Variants in CYP4B1 observed in about 807,000 individuals in gnomAD.
CYP4B1 encodes the protein cytochrome P450 family 4 subfamily B member 1.
In CYP4B1, 45 loss-of-function variants were observed where a neutral mutation model predicts 54.0. That is an observed-to-expected ratio of 0.83 (90% confidence interval 0.66 to 1.07). The LOEUF is 1.07. Ranked by LOEUF, CYP4B1 falls within the 50% of genes least tolerant of loss-of-function variation. The pLI, the probability that CYP4B1 is intolerant of heterozygous loss-of-function variation, is 0.00. For missense variants in CYP4B1, 656 were observed against 655.4 expected, an observed-to-expected ratio of 1.00 and a Z score of -0.01; for synonymous variants, 248 against 247.5, an observed-to-expected ratio of 1.00 and a Z score of -0.02.
rs545013841 is a variant in CYP4B1, at chr1:46,819,109, A to C, written c.*295A>C. 2.6e-4 allele frequency: 71 copies of C among 275,990 alleles called. No individual in the cohort carries two copies. The highest frequency in any genetic ancestry group is 1.5e-3 in the African/African-American group (70 of 45,958). The allele number at this position is 275,990 out of a possible 1,614,324, so 17.1% of individuals were successfully genotyped here. ...ATCTCCTATAATTGGCAAACTTAAA[A>C]ATGCAGCAGAAACTTACATTCCAAC... is the stretch of plus-strand genomic sequence containing the variant. On this transcript the variant is annotated 3_prime_UTR_variant, in exon 12 of 12. Transcript: ENST00000371923.
Position 46,816,581 on chromosome 1 carries a change from G to GACAC in CYP4B1, c.1074-446_1074-443dup, listed in dbSNP as rs3066413. 2.2e-3 allele frequency among the ~76,000 whole-genome samples: 317 copies of GACAC among 146,698 alleles called. 2 individuals are homozygous for GACAC. The highest frequency in any genetic ancestry group is 7.0e-3 in the African/African-American group (279 of 39,872). On this transcript the variant is annotated intron_variant, in intron 8 of 11. Coordinates refer to ENST00000371923, the MANE Select transcript of CYP4B1 (RefSeq NM_001099772.2). ...AGCTTCCCGGTTGCCAAAGGGAAAA[G>GACAC]ACACACACACACACACACACACACT...
chr1:46,807,831 TG>T (rs1300074248), intron 1 of CYP4B1, among the ~76,000 whole-genome samples: 1 of 152,168 alleles, frequency 6.6e-6, no homozygotes, highest in Admixed American at 6.5e-5. Flanking sequence ...CATGAGCCCT[TG>T]GAGATAGTGG....
chr1:46,802,109 C>G (rs1249296078), intron 1 of CYP4B1, among the ~76,000 whole-genome samples: 1 of 152,144 alleles, frequency 6.6e-6, no homozygotes, highest in Non-Finnish European at 1.5e-5. Flanking sequence ...CCAGGGAGGA[C>G]TTTGCACATA....
chr1:46,799,777 C>T (rs1678537770), intron 1 of CYP4B1, among the ~76,000 whole-genome samples: 1 of 152,236 alleles, frequency 6.6e-6, no homozygotes, highest in Non-Finnish European at 1.5e-5. Context: ...GCTCTCCCGG[C>T]CATGCCTATG....
intron 8 of CYP4B1, among the ~76,000 whole-genome samples, chr1:46,816,595 C>A (rs1679341568): frequency 1.3e-5 from 2 of 152,030 alleles, no homozygotes; most frequent in South Asian, 4.2e-4. Flanking sequence ...CACACACACA[C>A]ACACACACAC....
At position 46,799,094 on chromosome 1, in the gene CYP4B1, T is replaced by A. The variant is rs111476033; in HGVS notation, c.13T>A (p.Phe5Ile). MVPS[F>I]LSLSFSSLGL... is the part of the protein sequence containing the mutation. ...TGGAACTGCAACCATGGTGCCCAGC[T>A]TCCTCTCCCTGAGCTTCTCCTCCTT... Residue 5 changes from phenylalanine to isoleucine, a missense_variant, in exon 1 of 12, where the codon TTC becomes ATC. By Grantham distance (21) the Phe-to-Ile change is conservative. Coordinates refer to ENST00000371923, the MANE Select transcript of CYP4B1 (RefSeq NM_001099772.2). The A allele has an allele frequency of 5.1e-4, 830 of 1,614,046 alleles. 4 individuals carry two copies. The African/African-American group carries it at 9.7e-3, about 19-fold the overall frequency.
chr1:46,816,747 T>C (rs1679348000), intron 8 of CYP4B1, among the ~76,000 whole-genome samples: 1 of 152,202 alleles, frequency 6.6e-6, no homozygotes. Flanking sequence ...ATGGGGGTCC[T>C]GAGAGTTGCA....
chr1:46,808,814 T>C (rs1226884245), intron 1 of CYP4B1, among the ~76,000 whole-genome samples: 1 of 151,078 alleles, frequency 6.6e-6, no homozygotes, highest in Non-Finnish European at 1.5e-5. Flanking sequence ...TTCATGTCCT[T>C]TGTAGGGACA....
At chr1:46,814,449 T>C in intron 7 of CYP4B1, 134 bp downstream of exon 7, 3 of 692,226 alleles carry the variant, frequency 4.3e-6, no homozygotes, top group African/African-American at 3.6e-5. Context: ...CCTCGTCCCA[T>C]GAAACATATT....
intron 9 of CYP4B1, 56 bp downstream of exon 9, chr1:46,817,237 C>A: frequency 3.1e-6 from 5 of 1,601,512 alleles, no homozygotes; most frequent in Non-Finnish European, 4.3e-6. Flanking sequence ...CCTCTGGCAC[C>A]CTCTGTGCCT....
In CYP4B1 at chr1:46,814,008, C is replaced by T. The variant is rs375257941; in HGVS notation, c.720C>T (p.Leu240=). 5.0e-6 allele frequency: 8 copies of T among 1,614,074 alleles called. No homozygotes were observed. In the East Asian group the frequency reaches 6.7e-5, roughly 13 times the overall value. The change falls in exon 6 of 12, where the codon CTC becomes CTT. Residue 240 remains leucine, a synonymous_variant. Coordinates refer to ENST00000371923, the MANE Select transcript of CYP4B1 (RefSeq NM_001099772.2). ...ACCATAATGACTTCATCTACTGGCT[C>T]ACCCCACATGGCCGCCGCTTCCTGC... is the stretch of plus-strand genomic sequence containing the variant. ...FQYHNDFIYW[L]TPHGRRFLRA...
intron 4 of CYP4B1, 129 bp downstream of exon 4, chr1:46,812,752 T>G: frequency 9.2e-7 from 1 of 1,084,714 alleles, no homozygotes; most frequent in Middle Eastern, 3.0e-4. Flanking sequence ...CAAGGCCTGT[T>G]CTGCCTGCAA....
At position 46,818,994 on chromosome 1, in the gene CYP4B1, A is replaced by G. The variant is rs886382210; in HGVS notation, c.*180A>G. The G allele has an allele frequency of 8.9e-6, 5 of 558,746 alleles. No individual in the cohort carries two copies. Among genetic ancestry groups the G allele is most frequent in the East Asian group, 5.6e-5 (2 of 35,418 alleles). 34.6% of individuals were successfully genotyped at this position (558,746 alleles called of 1,614,324 possible). A position where few individuals can be genotyped will look rare whatever the true frequency, so the allele number is the denominator to read the frequency against. ...CAGTGCTATGTAAAAATGTGTGTCT[A>G]TAAATGTTTATCATGCATGTATTCT... On this transcript the variant is annotated 3_prime_UTR_variant, in exon 12 of 12. Coordinates refer to ENST00000371923, the MANE Select transcript of CYP4B1 (RefSeq NM_001099772.2).
chr1:46,813,887 C>T (rs1679216483), intron 5 of CYP4B1, 22 bp from the exon 6 acceptor site: 3 of 1,232,274 alleles, frequency 2.4e-6, no homozygotes, highest in African/African-American at 4.3e-5. Context: ...TAAGCCAATC[C>T]CTCCTCCTAC....
chr1:46,807,097 G>A (rs772776678), intron 1 of CYP4B1, among the ~76,000 whole-genome samples: 6 of 152,184 alleles, frequency 3.9e-5, no homozygotes, highest in African/African-American at 1.2e-4. Flanking sequence ...TTTGGCCATC[G>A]CTTGGGCTCA....
chr1:46,807,788 A>G (rs992006153), intron 1 of CYP4B1, among the ~76,000 whole-genome samples: 1 of 152,248 alleles, frequency 6.6e-6, no homozygotes, highest in Non-Finnish European at 1.5e-5. Flanking sequence ...GAAGGCACAG[A>G]CGGGTGGCTG....
At chr1:46,814,432 A>G (rs953983730) in intron 7 of CYP4B1, 117 bp downstream of exon 7, 3 of 739,414 alleles carry the variant, frequency 4.1e-6, no homozygotes, top group Non-Finnish European at 4.6e-6. Flanking sequence ...AGCAAATATA[A>G]CCTGTTCCTC....
rs371613738 is a variant in CYP4B1 at position 46,818,755 on chromosome 1, C to A, written c.1480C>A (p.Arg494Ser). ...CATCAAGATGCCCCAGCTTGTCCTGCGCTCCAAGAATGGCTTTCACCTCCA... is the reference window on the plus strand; with the variant it reads ...CATCAAGATGCCCCAGCTTGTCCTGAGCTCCAAGAATGGCTTTCACCTCCA... Reference protein sequence around the residue: ...LPIKMPQLVLRSKNGFHLHLK... With the variant: ...LPIKMPQLVLSSKNGFHLHLK... The change falls in exon 12 of 12, where the codon CGC becomes AGC. Residue 494 changes from arginine (R) to serine (S), a missense_variant. Transcript: ENST00000371923. 1.9e-6 allele frequency: 3 copies of A among 1,614,186 alleles called. No homozygotes were observed. Among genetic ancestry groups the A allele is most frequent in the African/African-American group, 1.3e-5 (1 of 75,046 alleles).
chr1:46,812,700 G>A, intron 4 of CYP4B1, 77 bp downstream of exon 4: 1 of 1,527,624 alleles, frequency 6.5e-7, no homozygotes. Context: ...TTGTCCTGGG[G>A]AGAGTAGGTG....
Sources: gnomAD v4.1 joint callset for allele counts (sites outside exome capture counted in the v4.1 genomes callset) on GRCh38, gnomAD v4.1.1 for gene constraint, MANE v1.5 for transcripts, NCBI Gene and HGNC (gene_info 2026-07-23, HGNC 2026-07-21) for gene names.